Variants in MYRIP observed in about 807,000 individuals in gnomAD.
MYRIP encodes the protein rab effector MyRIP.
A neutral mutation model predicts 98.0 loss-of-function variants in MYRIP; 49 were observed. That is an observed-to-expected ratio of 0.50 (90% CI 0.40 to 0.63). MYRIP has a LOEUF of 0.63. MYRIP is among the 30% of genes least tolerant of loss of function. The probability of loss-of-function intolerance (pLI) is 0.00; values close to 1 mark genes in which losing one functional copy is unlikely to be tolerated. For synonymous variants in MYRIP, 404 were observed against 409.5 expected, an observed-to-expected ratio of 0.99 and a Z score of 0.16; for missense variants, 1,004 against 1,058.2, an observed-to-expected ratio of 0.95 and a Z score of 0.71.
At chr3:40,044,396 T>C in intron 3 of MYRIP, 125 bp downstream of exon 3, 3 of 931,046 alleles carry the variant, frequency 3.2e-6, no homozygotes, top group South Asian at 3.3e-5. Context: ...CCAAAGTAAA[T>C]AGCTTGCTGA....
At chr3:40,100,324 T>C (rs2125891199) in intron 3 of MYRIP, 1 of 933,498 alleles carries the variant, frequency 1.1e-6, no homozygotes, top group African/African-American at 1.8e-5. Flanking sequence ...TGTACTATAA[T>C]CCTTTATTAT....
intron 4 of MYRIP, 26 bp downstream of exon 4, chr3:40,151,210 G>A (rs1190729237): frequency 6.3e-7 from 1 of 1,580,500 alleles, no homozygotes; most frequent in East Asian, 2.3e-5. Flanking sequence ...GCCGCTCTGG[G>A]AGTCTTTGGT....
At chr3:39,868,537 C>T (rs779741215) in intron 1 of MYRIP, among the ~76,000 whole-genome samples, 2 of 152,104 alleles carry the variant, frequency 1.3e-5, no homozygotes, top group Non-Finnish European at 2.9e-5. Flanking sequence ...ATTTATTGAG[C>T]ACCAATTATA....
At chr3:40,096,829 A>G (rs1948843131) in intron 3 of MYRIP, among the ~76,000 whole-genome samples, 1 of 152,208 alleles carries the variant, frequency 6.6e-6, no homozygotes, top group Admixed American at 6.5e-5. Flanking sequence ...ACCAGGCAAA[A>G]TAACAACTGT....
At chr3:39,974,633 C>T (rs527282962) in intron 2 of MYRIP, among the ~76,000 whole-genome samples, 129 of 152,214 alleles carry the variant, frequency 8.5e-4, no homozygotes, top group Non-Finnish European at 1.4e-3. Flanking sequence ...TGATGAACAT[C>T]GATGCTAAAA....
chr3:40,231,439 G>A (rs528320341), intron 11 of MYRIP, among the ~76,000 whole-genome samples: 8 of 152,326 alleles, frequency 5.3e-5, no homozygotes, highest in South Asian at 2.1e-4. Context: ...AGAATGAACC[G>A]TGGGGAATGT....
At chr3:39,884,582 C>CA (rs1223485843) in intron 1 of MYRIP, among the ~76,000 whole-genome samples, 4 of 152,094 alleles carry the variant, frequency 2.6e-5, no homozygotes, top group Non-Finnish European at 5.9e-5. Flanking sequence ...CTTTTGAACT[C>CA]AAACTGCAAG....
chr3:40,195,124 T>G (rs1951351880), intron 10 of MYRIP, among the ~76,000 whole-genome samples: 1 of 152,236 alleles, frequency 6.6e-6, no homozygotes, highest in South Asian at 2.1e-4. Flanking sequence ...GCTGCTACCC[T>G]TAGTGACCTG....
chr3:39,959,585 A>G (rs371095788), intron 2 of MYRIP, among the ~76,000 whole-genome samples: 16 of 152,072 alleles, frequency 1.1e-4, no homozygotes, highest in Non-Finnish European at 1.8e-4. Flanking sequence ...TGACGAGTTA[A>G]TGGGTGCAGC....
At chr3:40,183,618 T>G (rs1950949079) in intron 9 of MYRIP, among the ~76,000 whole-genome samples, 1 of 152,190 alleles carries the variant, frequency 6.6e-6, no homozygotes, top group South Asian at 2.1e-4. Context: ...AATGTCAGAC[T>G]AAAACTTCCC....
At chr3:40,096,596 C>T (rs942999904) in intron 3 of MYRIP, among the ~76,000 whole-genome samples, 5 of 152,236 alleles carry the variant, frequency 3.3e-5, no homozygotes, top group East Asian at 1.9e-4. Context: ...CAGGAATGGC[C>T]GTCTCAGGCC....
chr3:40,257,482 A>G (rs1953634842), intron 16 of MYRIP, among the ~76,000 whole-genome samples: 1 of 152,234 alleles, frequency 6.6e-6, no homozygotes, highest in Admixed American at 6.5e-5. Context: ...TAGGATATAA[A>G]TAACTCTCAT....
At chr3:40,176,271 A>G (rs562932922) in intron 8 of MYRIP, among the ~76,000 whole-genome samples, 1 of 152,342 alleles carries the variant, frequency 6.6e-6, no homozygotes, top group South Asian at 2.1e-4. Flanking sequence ...AAATTAAATA[A>G]AACTAAAAAT....
chr3:39,925,501 TC>T (rs1316253853), intron 2 of MYRIP, among the ~76,000 whole-genome samples: 5 of 151,912 alleles, frequency 3.3e-5, no homozygotes, highest in African/African-American at 1.2e-4. Context: ...TCTCCAGTAC[TC>T]CCCAGTGTCT....
In MYRIP at chr3:39,960,013, C is replaced by T. The variant is rs575772124; in HGVS notation, c.110+59087C>T. On this transcript the variant is annotated intron_variant, in intron 2 of 16. Coordinates refer to ENST00000302541, the MANE Select transcript of MYRIP (RefSeq NM_015460.4). The stretch of plus-strand genomic sequence containing the variant: ...TGTATAGCAAAGAAGGAACTGGCAT[C>T]AGCTTCCTGAGCTCTCAGGCATCTC... Among the ~76,000 whole-genome samples, 124 of 152,198 alleles carry T rather than the reference C, an allele frequency of 8.1e-4. 1 individual carries two copies. Among genetic ancestry groups the T allele is most frequent in the Admixed American group, 3.4e-3 (52 of 15,262 alleles).
chr3:40,006,337 C>A (rs961738272), intron 2 of MYRIP, among the ~76,000 whole-genome samples: 1 of 151,934 alleles, frequency 6.6e-6, no homozygotes, highest in Non-Finnish European at 1.5e-5. Context: ...TGCAGTAAGC[C>A]GAGACTGCGC....
chr3:39,909,045 T>C (rs1481074411), intron 2 of MYRIP, among the ~76,000 whole-genome samples: 1 of 152,226 alleles, frequency 6.6e-6, no homozygotes, highest in Non-Finnish European at 1.5e-5. Context: ...TCAGGTCACC[T>C]GGCAGTGCCC....
At chr3:40,178,946 C>T (rs1950827423) in intron 8 of MYRIP, among the ~76,000 whole-genome samples, 1 of 152,210 alleles carries the variant, frequency 6.6e-6, no homozygotes, top group African/African-American at 2.4e-5. Flanking sequence ...TGTTCAAACA[C>T]TCTAACTCAG....
intron 2 of MYRIP, among the ~76,000 whole-genome samples, chr3:39,973,629 C>A (rs1945661096): frequency 6.6e-6 from 1 of 152,122 alleles, no homozygotes; most frequent in African/African-American, 2.4e-5. Context: ...ACACTTATTC[C>A]AAAATTGGCC....
Sources: gnomAD v4.1 joint callset for allele counts (sites outside exome capture counted in the v4.1 genomes callset) on GRCh38, gnomAD v4.1.1 for gene constraint, MANE v1.5 for transcripts, NCBI Gene and HGNC (gene_info 2026-07-23, HGNC 2026-07-21) for gene names.